The following ZYG11B variants were observed in gnomAD, a reference collection of about 807,000 sequenced individuals.
ZYG11B encodes protein zyg-11 homolog B.
A neutral mutation model predicts 82.4 loss-of-function variants in ZYG11B; 36 were observed. The observed-to-expected ratio is 0.44, with a 90% CI of 0.33 to 0.58. The LOEUF is 0.58. Ranked by LOEUF, ZYG11B falls within the 20% of genes least tolerant of loss-of-function variation. ZYG11B has a pLI of 0.02. For synonymous variants in ZYG11B, 303 were observed against 312.8 expected (o/e 0.97, Z 0.33); for missense variants, 552 against 895.6 (o/e 0.62, Z 4.90).
chr1:52,746,134 T>A (rs1644474287), intron 1 of ZYG11B, among the ~76,000 whole-genome samples: 1 of 151,554 alleles, frequency 6.6e-6, no homozygotes, highest in Non-Finnish European at 1.5e-5. Flanking sequence ...ATTTTTTGTA[T>A]TTTTTTTAGT....
intron 10 of ZYG11B, among the ~76,000 whole-genome samples, chr1:52,807,849 G>A (rs1441196162): frequency 6.6e-6 from 1 of 151,102 alleles, no homozygotes. Context: ...TGGATCTGCT[G>A]ATGATGAATT....
At chr1:52,803,139 CAT>C (rs1321965313) in intron 10 of ZYG11B, among the ~76,000 whole-genome samples, 528 of 44,070 alleles carry the variant, frequency 0.012, 64 homozygotes, top group African/African-American at 0.021. Flanking sequence ...TATATACACA[CAT>C]ATATATATAT....
At chr1:52,764,151 G>A (rs1644660258) in intron 2 of ZYG11B, among the ~76,000 whole-genome samples, 1 of 152,094 alleles carries the variant, frequency 6.6e-6, no homozygotes, top group Admixed American at 6.6e-5. Flanking sequence ...TTGAGATGGA[G>A]TCTTGCTCTG....
At chr1:52,728,296 G>A (rs192179709) in intron 1 of ZYG11B, among the ~76,000 whole-genome samples, 1 of 152,262 alleles carries the variant, frequency 6.6e-6, no homozygotes, top group Admixed American at 6.5e-5. Context: ...TTGCTCTGTG[G>A]CCCAGGCTGG....
intron 8 of ZYG11B, among the ~76,000 whole-genome samples, chr1:52,797,468 T>TATTATATGATATATAATATAATAA (rs1645034845): frequency 3.6e-5 from 4 of 110,562 alleles, no homozygotes; most frequent in Admixed American, 1.4e-4. Flanking sequence ...ATGATATATA[T>TATTATATGATATATAATATAATAA]ATTATATATG....
At position 52,803,277 on chromosome 1, in the gene ZYG11B, C is replaced by T. The variant is rs865971115; in HGVS notation, c.1695+1138C>T. Among the ~76,000 whole-genome samples the T allele has an allele frequency of 1.5e-3, 157 of 106,146 alleles. 2 individuals are homozygous for T. The highest frequency in any genetic ancestry group is 9.6e-3 in the East Asian group (35 of 3,628). 69.6% of individuals were successfully genotyped at this position (106,146 alleles called of 152,430 possible). ...ATATATATATATATACACACACACA[C>T]ACATATATATATATATATATACACA... On this transcript the variant is annotated intron_variant, in intron 10 of 13. Transcript: ENST00000294353.
At chr1:52,792,920 A>T (rs1420760451) in intron 6 of ZYG11B, among the ~76,000 whole-genome samples, 1 of 152,090 alleles carries the variant, frequency 6.6e-6, no homozygotes, top group African/African-American at 2.4e-5. Flanking sequence ...GGCTCACTGC[A>T]ACCTCTGCTT....
At chr1:52,770,500 C>T (rs1644740348) in intron 2 of ZYG11B, among the ~76,000 whole-genome samples, 1 of 152,164 alleles carries the variant, frequency 6.6e-6, no homozygotes, top group African/African-American at 2.4e-5. Context: ...ACTTGTGGTA[C>T]ATAAACTCTG....
In ZYG11B at chr1:52,793,730, T is replaced by C. The variant is rs1460443462; in HGVS notation, c.1335-2562T>C. ...GGCATGTGTGAAGACTAATGAACAA[T>C]CTGCTTTGCAGAAAGCATAGGGTAG... On this transcript the variant is annotated intron_variant, in intron 6 of 13. Coordinates refer to ENST00000294353, the MANE Select transcript of ZYG11B (RefSeq NM_024646.3). Among the ~76,000 whole-genome samples, 2 of 152,188 alleles carry C rather than the reference T, an allele frequency of 1.3e-5. 1 individual carries two copies. Among genetic ancestry groups the C allele is most frequent in the Non-Finnish European group, 2.9e-5 (2 of 68,036 alleles).
intron 6 of ZYG11B, among the ~76,000 whole-genome samples, chr1:52,792,449 T>C (rs896496474): frequency 2.7e-4 from 41 of 152,202 alleles, no homozygotes; most frequent in African/African-American, 9.4e-4. Flanking sequence ...TAAAGTGTTT[T>C]ATGTAAGCTT....
chr1:52,811,641 T>C (rs780942948), intron 10 of ZYG11B, among the ~76,000 whole-genome samples: 3 of 152,210 alleles, frequency 2.0e-5, no homozygotes, highest in Non-Finnish European at 4.4e-5. Context: ...AGTCCACTGA[T>C]TGTTTTTCCG....
At chr1:52,731,017 A>C (rs914733) in intron 1 of ZYG11B, among the ~76,000 whole-genome samples, 95,093 of 151,410 alleles carry the variant, frequency 0.63, 31,827 homozygotes, top group East Asian at 0.97. Context: ...TCATGCCTGT[A>C]ATCCCAGCAG....
chr1:52,751,835 T>G (rs1644527229), intron 1 of ZYG11B, among the ~76,000 whole-genome samples: 1 of 152,112 alleles, frequency 6.6e-6, no homozygotes, highest in Non-Finnish European at 1.5e-5. Flanking sequence ...CAACATTTTT[T>G]CCTTCTTTAT....
chr1:52,735,036 C>CTTT (rs781624927), intron 1 of ZYG11B, among the ~76,000 whole-genome samples: 2 of 139,006 alleles, frequency 1.4e-5, no homozygotes, highest in African/African-American at 5.3e-5. Flanking sequence ...GTCCAAATCA[C>CTTT]TTTTTTTTTT....
intron 2 of ZYG11B, 37 bp downstream of exon 2, chr1:52,756,660 T>G: frequency 3.2e-6 from 5 of 1,577,876 alleles, no homozygotes; most frequent in Non-Finnish European, 4.3e-6. Flanking sequence ...AATTATGTGC[T>G]GTTAATTAGA....
rs1234622025 is a variant in ZYG11B, at chr1:52,826,666, TC to T, written c.*5038del. The T allele has an allele frequency of 2.0e-5, 3 of 152,346 alleles. No homozygotes were observed. The East Asian group carries it at 5.8e-4, about 29-fold the overall frequency. 9.4% of individuals were successfully genotyped at this position (152,346 alleles called of 1,614,324 possible). A position where few individuals can be genotyped will look rare whatever the true frequency, so the allele number is the denominator to read the frequency against. ...TTTTTTGGGGTAAGTTTTGCAAAGA[TC>T]AGTGCTGCTTCTCATGACTCTAAAG... is the stretch of plus-strand genomic sequence containing the variant. On this transcript the variant is annotated 3_prime_UTR_variant, in exon 14 of 14. Transcript: ENST00000294353.
At chr1:52,752,186 C>G (rs1467384731) in intron 1 of ZYG11B, among the ~76,000 whole-genome samples, 13 of 152,136 alleles carry the variant, frequency 8.5e-5, no homozygotes, top group Non-Finnish European at 1.5e-5. Flanking sequence ...TGGAGGTTCC[C>G]ACACCTCCCT....
chr1:52,761,712 T>G (rs1644633099), intron 2 of ZYG11B, among the ~76,000 whole-genome samples: 1 of 152,202 alleles, frequency 6.6e-6, no homozygotes, highest in South Asian at 2.1e-4. Context: ...AGTAGTGGGA[T>G]TGCTGGATAT....
At chr1:52,765,622 C>T (rs983134626) in intron 2 of ZYG11B, among the ~76,000 whole-genome samples, 4 of 152,074 alleles carry the variant, frequency 2.6e-5, no homozygotes, top group African/African-American at 9.7e-5. Flanking sequence ...CTCAGCCTCC[C>T]GACTAGCTAG....
Sources: allele counts gnomAD v4.1 joint callset (sites outside exome capture counted in the v4.1 genomes callset), GRCh38; gene constraint gnomAD v4.1.1; transcripts MANE v1.5; gene names NCBI Gene and HGNC (gene_info 2026-07-23, HGNC 2026-07-21).